Variants in PPM1E observed in about 807,000 individuals in gnomAD.
PPM1E encodes protein phosphatase, Mg2+/Mn2+ dependent 1E.
PPM1E carries 20 observed loss-of-function variants against 65.9 expected under a neutral mutation model. The ratio of observed to expected loss-of-function variants is 0.30; its 90% CI spans 0.21 to 0.44. PPM1E has a LOEUF of 0.44. Ranked by LOEUF, PPM1E falls within the 20% of genes least tolerant of loss-of-function variation. PPM1E has a pLI of 1.00. For missense variants in PPM1E, 713 were observed against 953.1 expected (o/e 0.75, Z 3.32); for synonymous variants, 352 against 374.9 (o/e 0.94, Z 0.70).
chr17:58,849,840 T>G (rs1054082040), intron 1 of PPM1E, among the ~76,000 whole-genome samples: 35 of 152,174 alleles, frequency 2.3e-4, no homozygotes, highest in Non-Finnish European at 3.8e-4. Flanking sequence ...ATATCCTTGT[T>G]AATTTCCTGT....
intron 1 of PPM1E, among the ~76,000 whole-genome samples, chr17:58,916,298 G>T (rs1025596180): frequency 2.0e-4 from 31 of 152,136 alleles, no homozygotes; most frequent in African/African-American, 6.8e-4. Flanking sequence ...AATAAATTTT[G>T]AATAAATAGA....
chr17:58,911,672 A>G (rs1181262110), intron 1 of PPM1E, among the ~76,000 whole-genome samples: 1 of 152,336 alleles, frequency 6.6e-6, no homozygotes, highest in East Asian at 1.9e-4. Context: ...TTTTTAATAT[A>G]AAGTCATTCA....
intron 2 of PPM1E, among the ~76,000 whole-genome samples, chr17:58,958,293 C>T (rs997731518): frequency 6.6e-6 from 1 of 151,770 alleles, no homozygotes; most frequent in Non-Finnish European, 1.5e-5. Flanking sequence ...TCACTGAAGC[C>T]TCTACCTCCT....
intron 1 of PPM1E, among the ~76,000 whole-genome samples, chr17:58,900,366 CA>C (rs2051483238): frequency 6.6e-6 from 1 of 152,180 alleles, no homozygotes; most frequent in Non-Finnish European, 1.5e-5. Context: ...CTTCAGCAAC[CA>C]CCACCTTGAT....
intron 6 of PPM1E, among the ~76,000 whole-genome samples, chr17:58,977,714 T>C (rs914961313): frequency 7.2e-5 from 11 of 152,188 alleles, no homozygotes; most frequent in Non-Finnish European, 1.5e-5. Context: ...TCTAGCCTAT[T>C]TGAGGATTAA....
At chr17:58,785,061 A>G (rs1774288697) in intron 1 of PPM1E, among the ~76,000 whole-genome samples, 1 of 152,052 alleles carries the variant, frequency 6.6e-6, no homozygotes, top group African/African-American at 2.4e-5. Flanking sequence ...ATCCAAGGTC[A>G]TGAAGATTTA....
intron 1 of PPM1E, among the ~76,000 whole-genome samples, chr17:58,834,503 T>C (rs2050634802): frequency 6.6e-6 from 1 of 152,204 alleles, no homozygotes; most frequent in African/African-American, 2.4e-5. Context: ...TCTCTTGTTT[T>C]TTCCCTAAGA....
At chr17:58,975,067 G>A (rs945477956) in intron 6 of PPM1E, among the ~76,000 whole-genome samples, 1 of 152,102 alleles carries the variant, frequency 6.6e-6, no homozygotes, top group Admixed American at 6.6e-5. Context: ...TGTAGGTTTA[G>A]CAGGACCCAC....
At chr17:58,908,078 C>CT (rs1052947895) in intron 1 of PPM1E, among the ~76,000 whole-genome samples, 69 of 145,004 alleles carry the variant, frequency 4.8e-4, no homozygotes, top group African/African-American at 1.3e-3. Flanking sequence ...TCTTTTTCTG[C>CT]TTTTTTTTTT....
intron 1 of PPM1E, among the ~76,000 whole-genome samples, chr17:58,909,409 G>A (rs190095647): frequency 6.6e-5 from 10 of 151,942 alleles, no homozygotes; most frequent in Non-Finnish European, 1.0e-4. Context: ...GGTACACACC[G>A]TCACACCTGG....
chr17:58,922,440 G>A (rs973185435), intron 1 of PPM1E, among the ~76,000 whole-genome samples: 4 of 151,820 alleles, frequency 2.6e-5, no homozygotes, highest in Non-Finnish European at 5.9e-5. Context: ...TTTTTGTAGA[G>A]ATGGGATATT....
Position 58,847,868 on chromosome 17 carries a change from G to A in PPM1E, c.464+91407G>A, listed in dbSNP as rs184481976. Among the ~76,000 whole-genome samples, 180 of 152,194 alleles carry A rather than the reference G, an allele frequency of 1.2e-3. 2 individuals are homozygous for A. The South Asian group carries it at 0.014, about 12-fold the overall frequency. ...TCTATAAATTACCTTGGGCTATATG[G>A]CCATTTTCACAATATTGATTCTTCC... On this transcript the variant is annotated intron_variant, in intron 1 of 6. Coordinates refer to ENST00000308249, the MANE Select transcript of PPM1E (RefSeq NM_014906.5).
chr17:58,953,905 G>A (rs537500203), intron 1 of PPM1E, among the ~76,000 whole-genome samples: 23 of 151,988 alleles, frequency 1.5e-4, no homozygotes, highest in Non-Finnish European at 3.1e-4. Context: ...GTACCACCAC[G>A]CCCAGCTAAT....
chr17:58,793,802 C>T (rs192586427), intron 1 of PPM1E, among the ~76,000 whole-genome samples: 37 of 152,174 alleles, frequency 2.4e-4, no homozygotes, highest in Admixed American at 1.8e-3. Context: ...TTATCCACAT[C>T]GATAAGTAGA....
chr17:58,886,919 ACT>A (rs1418644050), intron 1 of PPM1E, among the ~76,000 whole-genome samples: 1 of 151,880 alleles, frequency 6.6e-6, no homozygotes, highest in Non-Finnish European at 1.5e-5. Context: ...GCATATGGGA[ACT>A]CTCTGTACTT....
At chr17:58,899,642 G>T in intron 1 of PPM1E, 1 of 216,364 alleles carries the variant, frequency 4.6e-6, no homozygotes, top group South Asian at 8.0e-5. Context: ...CTATGGCAAA[G>T]AATCTCAAGC....
At chr17:58,811,231 C>T (rs915514377) in intron 1 of PPM1E, among the ~76,000 whole-genome samples, 1 of 151,984 alleles carries the variant, frequency 6.6e-6, no homozygotes, top group Non-Finnish European at 1.5e-5. Flanking sequence ...CATATTTTAG[C>T]TAGCATTTTT....
chr17:58,945,406 G>T (rs1039877201), intron 1 of PPM1E, among the ~76,000 whole-genome samples: 2 of 152,214 alleles, frequency 1.3e-5, no homozygotes, highest in Admixed American at 6.5e-5. Context: ...GCCTCCCAAA[G>T]TGTTGGGATT....
chr17:58,762,834 C>T (rs925221816), intron 1 of PPM1E, among the ~76,000 whole-genome samples: 23 of 148,138 alleles, frequency 1.6e-4, no homozygotes, highest in Non-Finnish European at 1.9e-4. Flanking sequence ...GGAGGCGGAG[C>T]TTGCAGTGAG....
Sources: gnomAD v4.1 joint callset for allele counts (sites outside exome capture counted in the v4.1 genomes callset) on GRCh38, gnomAD v4.1.1 for gene constraint, MANE v1.5 for transcripts, NCBI Gene and HGNC (gene_info 2026-07-23, HGNC 2026-07-21) for gene names.